Variants in AVEN observed in about 807,000 individuals in gnomAD.
AVEN encodes cell death regulator Aven.
A neutral mutation model predicts 38.1 loss-of-function variants in AVEN; 41 were observed. That is an observed-to-expected ratio of 1.08 (90% CI 0.84 to 1.40). The LOEUF is 1.40. AVEN is among the 40% of genes most tolerant of loss of function. The probability of loss-of-function intolerance (pLI) is 0.00; values close to 1 mark genes in which losing one functional copy is unlikely to be tolerated. For missense variants in AVEN, 605 were observed against 438.8 expected, an observed-to-expected ratio of 1.38 and a Z score of -3.38; for synonymous variants, 206 against 171.8, an observed-to-expected ratio of 1.20 and a Z score of -1.56.
intron 2 of AVEN, among the ~76,000 whole-genome samples, chr15:33,948,715 C>G (rs1317281010): frequency 6.6e-6 from 1 of 152,140 alleles, no homozygotes; most frequent in Admixed American, 6.5e-5. Flanking sequence ...CTCTGTCGCC[C>G]AGGCTGGAGT....
chr15:33,972,192 C>A (rs1030301019), intron 2 of AVEN: 10 of 151,854 alleles, frequency 6.6e-5, no homozygotes, highest in Non-Finnish European at 2.9e-5. Flanking sequence ...ATTCACAGAC[C>A]ATGATAAAAC....
At chr15:33,857,067 C>A (rs903604816), downstream of AVEN, among the ~76,000 whole-genome samples, 1 of 152,202 alleles carries the variant, frequency 6.6e-6, no homozygotes, top group African/African-American at 2.4e-5. Flanking sequence ...CTCCTCACAG[C>A]ACCTGCACTA....
chr15:33,877,109 T>C (rs1891266191), intron 2 of AVEN, among the ~76,000 whole-genome samples: 1 of 152,074 alleles, frequency 6.6e-6, no homozygotes. Flanking sequence ...TAAGAAGAAA[T>C]AAAGCAGTTT....
At chr15:33,966,136 C>A (rs940765149) in intron 2 of AVEN, among the ~76,000 whole-genome samples, 1 of 152,076 alleles carries the variant, frequency 6.6e-6, no homozygotes, top group Non-Finnish European at 1.5e-5. Context: ...TATTCCAGTT[C>A]CCTCTATAAC....
intron 2 of AVEN, among the ~76,000 whole-genome samples, chr15:33,916,947 C>G (rs1303813659): frequency 1.3e-5 from 2 of 152,074 alleles, no homozygotes; most frequent in Non-Finnish European, 2.9e-5. Flanking sequence ...GTGCCCAACA[C>G]AAAGGGGAAA....
At chr15:33,875,028 G>A (rs1004277140) in intron 3 of AVEN, among the ~76,000 whole-genome samples, 2 of 152,182 alleles carry the variant, frequency 1.3e-5, no homozygotes, top group African/African-American at 4.8e-5. Flanking sequence ...TAAAGTGCCA[G>A]GCAGTCATTT....
At chr15:33,909,054 G>A (rs970576371) in intron 2 of AVEN, among the ~76,000 whole-genome samples, 1 of 152,170 alleles carries the variant, frequency 6.6e-6, no homozygotes, top group African/African-American at 2.4e-5. Context: ...TGAGCTGCCT[G>A]CCTGGGCTGT....
downstream of AVEN, among the ~76,000 whole-genome samples, chr15:33,862,343 G>C (rs79583520): frequency 0.033 from 4,931 of 150,878 alleles, 161 homozygotes; most frequent in Non-Finnish European, 0.039. Context: ...TGAGTAGCTG[G>C]GACAGGTGTA....
intron 2 of AVEN, among the ~76,000 whole-genome samples, chr15:33,986,849 G>C (rs1896497357): frequency 6.6e-6 from 1 of 151,864 alleles, no homozygotes; most frequent in Admixed American, 6.6e-5. Context: ...AGTAGAGATG[G>C]GGTTTCACCA....
chr15:33,892,496 T>C (rs1175440480), intron 2 of AVEN, among the ~76,000 whole-genome samples: 1 of 152,008 alleles, frequency 6.6e-6, no homozygotes, highest in African/African-American at 2.4e-5. Context: ...CCTTTCCCCA[T>C]TGCTTGTTTT....
chr15:33,921,057 T>A (rs1893377747), intron 2 of AVEN, among the ~76,000 whole-genome samples: 1 of 152,216 alleles, frequency 6.6e-6, no homozygotes, highest in Non-Finnish European at 1.5e-5. Context: ...ATTACTGGCG[T>A]GAGCTACCGC....
In AVEN at chr15:34,003,051, AC is replaced by A; in HGVS notation, c.425del (p.Ser142MetfsTer68). The part of the protein sequence containing the change: ...SGESQRGTDF[S>X]VLLSSAGDSF... ...TCATACCTGCAGAGCTAAGGAGGAC[AC>A]TGAAATCTGTTCCCCTCTGTGACTC... On this transcript the variant is annotated frameshift_variant, in exon 2 of 6. Coordinates refer to ENST00000306730, the MANE Select transcript of AVEN (RefSeq NM_020371.3). LOFTEE classifies it high-confidence loss of function. 6.2e-7 allele frequency: 1 copy of A among 1,613,900 alleles called. No individual in the cohort carries two copies. Among genetic ancestry groups the A allele is most frequent in the South Asian group, 1.1e-5 (1 of 91,044 alleles).
chr15:33,992,610 T>C (rs906158162), intron 2 of AVEN, among the ~76,000 whole-genome samples: 1 of 152,216 alleles, frequency 6.6e-6, no homozygotes, highest in Non-Finnish European at 1.5e-5. Flanking sequence ...TCTTCTACTA[T>C]ATTGCCTTTG....
chr15:33,893,590 A>G (rs1892083230), intron 2 of AVEN, among the ~76,000 whole-genome samples: 1 of 152,212 alleles, frequency 6.6e-6, no homozygotes, highest in Non-Finnish European at 1.5e-5. Flanking sequence ...TCTGTTTTTA[A>G]ACTATTGTTT....
At chr15:33,924,479 C>A (rs914954890) in intron 2 of AVEN, among the ~76,000 whole-genome samples, 2 of 152,116 alleles carry the variant, frequency 1.3e-5, no homozygotes, top group African/African-American at 4.8e-5. Context: ...GCCACCAAAC[C>A]GAGCTAAATT....
downstream of AVEN, chr15:33,864,705 C>T (rs575843593): frequency 1.9e-4 from 34 of 180,706 alleles, 1 homozygote; most frequent in South Asian, 4.7e-3. Context: ...ATTCAAACAT[C>T]ATTGGCTTTG....
chr15:33,997,666 T>C (rs1443339555), intron 2 of AVEN, among the ~76,000 whole-genome samples: 1 of 152,168 alleles, frequency 6.6e-6, no homozygotes, highest in African/African-American at 2.4e-5. Flanking sequence ...GATCCCAATA[T>C]CTTTTTACTG....
At chr15:33,929,754 T>C (rs1166889307) in intron 2 of AVEN, among the ~76,000 whole-genome samples, 1 of 152,234 alleles carries the variant, frequency 6.6e-6, no homozygotes, top group African/African-American at 2.4e-5. Context: ...AATTTAATTT[T>C]ACTGCTAAAG....
At chr15:33,878,358 G>C (rs1383497761) in intron 2 of AVEN, among the ~76,000 whole-genome samples, 2 of 152,114 alleles carry the variant, frequency 1.3e-5, no homozygotes, top group African/African-American at 4.8e-5. Context: ...ACAGCCCCAG[G>C]TATATGGAAA....
Sources: allele counts gnomAD v4.1 joint callset (sites outside exome capture counted in the v4.1 genomes callset), GRCh38; gene constraint gnomAD v4.1.1; transcripts MANE v1.5; gene names NCBI Gene and HGNC (gene_info 2026-07-23, HGNC 2026-07-21).